KDM4C: variants seen among roughly 807,000 people sequenced by gnomAD.
The protein encoded by KDM4C is lysine demethylase 4C.
In KDM4C, 81 loss-of-function variants were observed where a neutral mutation model predicts 129.3. The observed-to-expected ratio is 0.63, with a 90% CI of 0.52 to 0.75. KDM4C has a LOEUF of 0.75. Among genes scored for constraint, KDM4C ranks in the 30% least tolerant of loss-of-function variants. The pLI, the probability that KDM4C is intolerant of heterozygous loss-of-function variation, is 0.00. For synonymous variants in KDM4C, 573 were observed against 456.1 expected (o/e 1.26, Z -3.26); for missense variants, 1,457 against 1,304.0 (o/e 1.12, Z -1.81).
At position 6,792,167 on chromosome 9, in the gene KDM4C, T is replaced by TC. The variant is rs753784007; in HGVS notation, c.-17-803dup. 4.8e-4 allele frequency among the ~76,000 whole-genome samples: 73 copies of TC among 151,616 alleles called. 1 individual carries two copies. The highest frequency in any genetic ancestry group is 3.4e-3 in the Middle Eastern group (1 of 294). ...ATCAGCCTGGCTAACATGGTGAAAC[T>TC]CCATCTCTACTAAAAATACAAAAAA... On this transcript the variant is annotated intron_variant, in intron 1 of 21. Transcript: ENST00000381309.
chr9:6,786,175 A>G (rs1825448603), intron 1 of KDM4C, among the ~76,000 whole-genome samples: 1 of 152,150 alleles, frequency 6.6e-6, no homozygotes, highest in Admixed American at 6.6e-5. Flanking sequence ...GAAGGAAGGC[A>G]ATGTTGGATA....
intron 8 of KDM4C, among the ~76,000 whole-genome samples, chr9:6,945,186 A>T (rs992877750): frequency 1.3e-5 from 2 of 152,142 alleles, no homozygotes; most frequent in African/African-American, 4.8e-5. Context: ...AAATGCTTAC[A>T]CACAAGGAAG....
At chr9:7,006,163 C>G (rs1821635044) in intron 12 of KDM4C, among the ~76,000 whole-genome samples, 1 of 152,196 alleles carries the variant, frequency 6.6e-6, no homozygotes, top group Admixed American at 6.5e-5. Context: ...TGCAGGAATA[C>G]TGCAAATTAG....
Position 6,893,187 on chromosome 9 carries a change from T to C in KDM4C, c.876T>C (p.Asn292=). The change falls in exon 8 of 22, where the codon AAT becomes AAC. Residue 292 remains asparagine, a synonymous_variant. Coordinates refer to ENST00000381309, the MANE Select transcript of KDM4C (RefSeq NM_015061.6). The part of the protein sequence containing the change: ...NHGFNCAEST[N]FATVRWIDYG... ...GTTTCAACTGTGCAGAATCTACAAA[T>C]TTTGCTACTGTCAGATGGATTGACT... 1 of 1,611,462 alleles carries C rather than the reference T, an allele frequency of 6.2e-7. No homozygotes were observed. The highest frequency in any genetic ancestry group is 8.5e-7 in the Non-Finnish European group (1 of 1,178,842).
chr9:6,972,971 C>G (rs1052803001), intron 8 of KDM4C, among the ~76,000 whole-genome samples: 3 of 152,106 alleles, frequency 2.0e-5, no homozygotes, highest in Non-Finnish European at 4.4e-5. Context: ...TAAATCATTT[C>G]ATGAAACTAA....
At chr9:6,846,201 C>T (rs1420443994) in intron 4 of KDM4C, among the ~76,000 whole-genome samples, 1 of 152,164 alleles carries the variant, frequency 6.6e-6, no homozygotes, top group African/African-American at 2.4e-5. Context: ...GGACTAGAAG[C>T]ATAAACCTTT....
chr9:6,775,081 A>G (rs182871097), intron 1 of KDM4C, among the ~76,000 whole-genome samples: 344 of 152,268 alleles, frequency 2.3e-3, no homozygotes, highest in Non-Finnish European at 3.9e-3. Context: ...CAGTGGCACA[A>G]TCTTGTCTCA....
Position 6,961,646 on chromosome 9 carries a change from A to C in KDM4C, c.922-19279A>C, listed in dbSNP as rs141757538. On this transcript the variant is annotated intron_variant, in intron 8 of 21. Transcript: ENST00000381309. ...AACTAAATTCAAAATTATTTATCAT[A>C]GTAATCCTTGTTATCAAAATTCAAA... Among the ~76,000 whole-genome samples the C allele has an allele frequency of 3.3e-3, 500 of 152,350 alleles. 2 individuals are homozygous for C. The highest frequency in any genetic ancestry group is 0.011 in the African/African-American group (465 of 41,578).
intron 19 of KDM4C, among the ~76,000 whole-genome samples, chr9:7,159,645 T>G (rs1403004634): frequency 2.0e-5 from 3 of 152,228 alleles, no homozygotes; most frequent in African/African-American, 7.2e-5. Flanking sequence ...TCTTTAGGAA[T>G]GTTGAATATT....
intron 4 of KDM4C, among the ~76,000 whole-genome samples, chr9:6,847,539 C>T (rs1186605592): frequency 7.9e-5 from 12 of 152,094 alleles, no homozygotes; most frequent in South Asian, 4.2e-4. Flanking sequence ...TACAGACGCC[C>T]GCCACCAGGC....
chr9:7,039,015 T>C (rs1334994918), intron 15 of KDM4C, among the ~76,000 whole-genome samples: 1 of 152,020 alleles, frequency 6.6e-6, no homozygotes, highest in South Asian at 2.1e-4. Flanking sequence ...AATTATGTTG[T>C]ATTTTATTCT....
At chr9:6,779,032 C>T (rs867674402) in intron 1 of KDM4C, among the ~76,000 whole-genome samples, 50 of 94,610 alleles carry the variant, frequency 5.3e-4, no homozygotes, top group South Asian at 2.3e-3. Flanking sequence ...TGATTAAAGT[C>T]TTTTTTTTTT....
intron 8 of KDM4C, among the ~76,000 whole-genome samples, chr9:6,903,546 T>C (rs1035387234): frequency 6.6e-6 from 1 of 152,136 alleles, no homozygotes; most frequent in African/African-American, 2.4e-5. Context: ...TCTCACACTC[T>C]TAGGAAATGA....
chr9:7,136,569 C>A (rs113288043), intron 19 of KDM4C, among the ~76,000 whole-genome samples: 3 of 152,198 alleles, frequency 2.0e-5, no homozygotes, highest in African/African-American at 7.2e-5. Context: ...TTATGTTTCC[C>A]TATTGACTAA....
chr9:6,797,212 C>G (rs975345360), intron 2 of KDM4C, among the ~76,000 whole-genome samples: 2 of 151,978 alleles, frequency 1.3e-5, no homozygotes, highest in Non-Finnish European at 2.9e-5. Flanking sequence ...GTCTTGAACT[C>G]CTGAGCTCAA....
At chr9:6,747,327 C>T (rs930124433) in intron 1 of KDM4C, among the ~76,000 whole-genome samples, 8 of 151,862 alleles carry the variant, frequency 5.3e-5, no homozygotes, top group African/African-American at 1.2e-4. Context: ...AGGGGCGGAT[C>T]GCGAGGTCAG....
chr9:7,171,200 TG>T (rs1190693248), intron 21 of KDM4C, among the ~76,000 whole-genome samples: 1 of 152,146 alleles, frequency 6.6e-6, no homozygotes, highest in Non-Finnish European at 1.5e-5. Context: ...GTGGTGGTAT[TG>T]CTGCCCACTC....
At chr9:6,910,889 TGTG>T (rs1819178705) in intron 8 of KDM4C, among the ~76,000 whole-genome samples, 1 of 152,232 alleles carries the variant, frequency 6.6e-6, no homozygotes, top group Admixed American at 6.5e-5. Flanking sequence ...TTAAAAATGA[TGTG>T]GAGGTACGTT....
intron 12 of KDM4C, among the ~76,000 whole-genome samples, chr9:6,991,468 T>C (rs545089814): frequency 5.9e-5 from 9 of 152,148 alleles, no homozygotes; most frequent in African/African-American, 1.9e-4. Context: ...AAGTGTCTTG[T>C]ATATGTCTCC....
Sources: gnomAD v4.1 joint callset for allele counts (sites outside exome capture counted in the v4.1 genomes callset) on GRCh38, gnomAD v4.1.1 for gene constraint, MANE v1.5 for transcripts, NCBI Gene and HGNC (gene_info 2026-07-23, HGNC 2026-07-21) for gene names.